PDE4D: variants seen among roughly 807,000 people sequenced by gnomAD.
PDE4D encodes 3',5'-cyclic-AMP phosphodiesterase 4D.
A neutral mutation model predicts 87.4 loss-of-function variants in PDE4D; 24 were observed. The observed-to-expected ratio is 0.27, with a 90% CI of 0.20 to 0.39. The LOEUF is 0.39. Among genes scored for constraint, PDE4D ranks in the 10% least tolerant of loss-of-function variants. PDE4D has a pLI of 1.00. For missense variants in PDE4D, 714 were observed against 1,041.0 expected (o/e 0.69, Z 4.32); for synonymous variants, 384 against 383.2 (o/e 1.00, Z -0.02).
chr5:59,548,519 G>T (rs1400629002), intron 1 of PDE4D, among the ~76,000 whole-genome samples: 1 of 152,086 alleles, frequency 6.6e-6, no homozygotes, highest in African/African-American at 2.4e-5. Context: ...CCTTCATAAA[G>T]CTTACGATCT....
At chr5:59,650,020 G>T (rs1401883789) in intron 1 of PDE4D, among the ~76,000 whole-genome samples, 1 of 147,678 alleles carries the variant, frequency 6.8e-6, no homozygotes, top group Non-Finnish European at 1.5e-5. Context: ...AGTTCTTAAG[G>T]TCTGAGCCTG....
chr5:59,591,978 G>A (rs910039494), intron 1 of PDE4D, among the ~76,000 whole-genome samples: 1 of 152,118 alleles, frequency 6.6e-6, no homozygotes, highest in East Asian at 1.9e-4. Context: ...ATGTGTGTAT[G>A]TATGTGTAAT....
chr5:60,457,789 T>C (rs2150164077), intron 1 of PDE4D, among the ~76,000 whole-genome samples: 1 of 152,306 alleles, frequency 6.6e-6, no homozygotes, highest in East Asian at 1.9e-4. Flanking sequence ...TGGGGGCCTG[T>C]TTCAGCAAAT....
Position 59,268,189 on chromosome 5 carries a change from C to T in PDE4D, c.456-52221G>A, listed in dbSNP as rs180919514. On this transcript the variant is annotated intron_variant, in intron 1 of 14. Coordinates refer to ENST00000340635, the MANE Select transcript of PDE4D (RefSeq NM_001104631.2). ...TCTGTTAGCTTCTCTAATTCGCATC[C>T]TCAGCCATCACCCAGGATGCTCATT... Among the ~76,000 whole-genome samples the T allele has an allele frequency of 2.6e-5, 4 of 152,164 alleles. No homozygotes were observed. The East Asian group carries it at 7.7e-4, about 29-fold the overall frequency.
At chr5:59,334,260 T>G (rs1475531177) in intron 1 of PDE4D, among the ~76,000 whole-genome samples, 1 of 142,244 alleles carries the variant, frequency 7.0e-6, no homozygotes, top group Non-Finnish European at 1.5e-5. Flanking sequence ...TTTTTTTTTT[T>G]TTTTTTTTTT....
intron 1 of PDE4D, among the ~76,000 whole-genome samples, chr5:60,493,589 CA>C (rs1749652111): frequency 1.6e-5 from 1 of 60,960 alleles, no homozygotes; most frequent in Non-Finnish European, 3.5e-5. Context: ...CACAATCATT[CA>C]TTCATTCATT....
At chr5:59,522,560 C>T (rs1409538369) in intron 1 of PDE4D, among the ~76,000 whole-genome samples, 2 of 152,126 alleles carry the variant, frequency 1.3e-5, no homozygotes, top group Non-Finnish European at 2.9e-5. Context: ...TATTAATGTA[C>T]CAAAGCTACA....
chr5:59,540,634 C>T (rs1159856579), intron 1 of PDE4D, among the ~76,000 whole-genome samples: 2 of 152,136 alleles, frequency 1.3e-5, no homozygotes, highest in African/African-American at 4.8e-5. Flanking sequence ...AGTTCTAGTT[C>T]CTTCTCTTCC....
At chr5:59,810,431 TTA>T (rs1768221530) in intron 1 of PDE4D, among the ~76,000 whole-genome samples, 1 of 152,252 alleles carries the variant, frequency 6.6e-6, no homozygotes, top group South Asian at 2.1e-4. Flanking sequence ...TGATTTTTCC[TTA>T]TGTGTTAAGT....
At chr5:60,047,562 G>A (rs2152875214) in intron 2 of PDE4D, among the ~76,000 whole-genome samples, 1 of 152,156 alleles carries the variant, frequency 6.6e-6, no homozygotes, top group East Asian at 1.9e-4. Context: ...ATTCTGGTAT[G>A]CTGTGTCTTT....
At chr5:59,903,213 T>C (rs1025319292) in intron 3 of PDE4D, among the ~76,000 whole-genome samples, 10 of 152,150 alleles carry the variant, frequency 6.6e-5, no homozygotes, top group African/African-American at 1.9e-4. Flanking sequence ...TCATCTAACA[T>C]TGTAGCTATC....
At chr5:59,803,648 A>T (rs371416466) in intron 1 of PDE4D, among the ~76,000 whole-genome samples, 70 of 145,182 alleles carry the variant, frequency 4.8e-4, no homozygotes, top group African/African-American at 2.0e-3. Flanking sequence ...CACTCCAGGT[A>T]ATTCTGATGC....
intron 1 of PDE4D, among the ~76,000 whole-genome samples, chr5:60,266,721 T>G (rs562675324): frequency 6.6e-6 from 1 of 152,344 alleles, no homozygotes; most frequent in South Asian, 2.1e-4. Flanking sequence ...TTTCAAGAGT[T>G]TATTTCTAAG....
At chr5:60,296,873 T>C (rs1753444884) in intron 1 of PDE4D, among the ~76,000 whole-genome samples, 1 of 152,082 alleles carries the variant, frequency 6.6e-6, no homozygotes, top group African/African-American at 2.4e-5. Flanking sequence ...TTCTCACTCA[T>C]AAGTGGGAGT....
upstream of PDE4D, chr5:60,490,389 C>T (rs1182046770): frequency 6.6e-6 from 1 of 152,182 alleles, no homozygotes; most frequent in African/African-American, 2.4e-5. Flanking sequence ...TATTATCCAC[C>T]CTGAGCCACC....
chr5:60,324,466 G>A (rs564057046), intron 1 of PDE4D, among the ~76,000 whole-genome samples: 17 of 152,260 alleles, frequency 1.1e-4, no homozygotes, highest in African/African-American at 3.9e-4. Context: ...ACTCAAAGAT[G>A]CTGTATTGTA....
intron 1 of PDE4D, among the ~76,000 whole-genome samples, chr5:59,305,963 C>A (rs1290033227): frequency 3.3e-5 from 5 of 152,034 alleles, no homozygotes; most frequent in Non-Finnish European, 5.9e-5. Flanking sequence ...GTCTTGATGA[C>A]CTGTCTAGTG....
chr5:59,401,712 T>C (rs1332363818), intron 1 of PDE4D, among the ~76,000 whole-genome samples: 2 of 152,198 alleles, frequency 1.3e-5, no homozygotes, highest in Non-Finnish European at 2.9e-5. Context: ...CTTGCAGCAA[T>C]TGGTTTTCTC....
chr5:59,624,670 T>G (rs952003277), intron 1 of PDE4D, among the ~76,000 whole-genome samples: 1 of 152,218 alleles, frequency 6.6e-6, no homozygotes, highest in Non-Finnish European at 1.5e-5. Context: ...TAAGAATTAT[T>G]TCTGGCAGTT....
Sources: gnomAD v4.1 joint callset for allele counts (sites outside exome capture counted in the v4.1 genomes callset) on GRCh38, gnomAD v4.1.1 for gene constraint, MANE v1.5 for transcripts, NCBI Gene and HGNC (gene_info 2026-07-23, HGNC 2026-07-21) for gene names.